The following PDLIM5 variants were observed in gnomAD, a reference collection of about 807,000 sequenced individuals.
PDLIM5 encodes PDZ and LIM domain protein 5.
A neutral mutation model predicts 64.2 loss-of-function variants in PDLIM5; 34 were observed. The ratio of observed to expected loss-of-function variants is 0.53; its 90% confidence interval spans 0.40 to 0.71. PDLIM5 has a LOEUF of 0.71. Ranked by LOEUF, PDLIM5 falls within the 30% of genes least tolerant of loss-of-function variation. The probability of loss-of-function intolerance (pLI) is 0.00; values close to 1 mark genes in which losing one functional copy is unlikely to be tolerated. For missense variants in PDLIM5, 683 were observed against 733.6 expected, an observed-to-expected ratio of 0.93 and a Z score of 0.80; for synonymous variants, 253 against 269.1, an observed-to-expected ratio of 0.94 and a Z score of 0.59.
chr4:94,635,226 A>G (rs924523198), intron 8 of PDLIM5, among the ~76,000 whole-genome samples: 11 of 152,138 alleles, frequency 7.2e-5, no homozygotes, highest in African/African-American at 2.4e-4. Flanking sequence ...AAAAAAAGTA[A>G]TTTTCAAACA....
chr4:94,470,682 T>A (rs922693002), intron 2 of PDLIM5, among the ~76,000 whole-genome samples: 2 of 152,174 alleles, frequency 1.3e-5, no homozygotes, highest in African/African-American at 4.8e-5. Context: ...TTTCAGTAAA[T>A]TCAGATTTTC....
intron 7 of PDLIM5, among the ~76,000 whole-genome samples, chr4:94,604,055 CTA>C (rs1737714259): frequency 6.6e-6 from 1 of 152,116 alleles, no homozygotes; most frequent in Non-Finnish European, 1.5e-5. Context: ...GGTGTTAAAG[CTA>C]CAGGACAGAG....
At chr4:94,595,993 A>G (rs575689122) in intron 7 of PDLIM5, among the ~76,000 whole-genome samples, 2 of 152,308 alleles carry the variant, frequency 1.3e-5, no homozygotes, top group Admixed American at 1.3e-4. Flanking sequence ...TCTCTTGCAA[A>G]ATATGGAATA....
At chr4:94,624,480 T>A (rs1273990440) in intron 8 of PDLIM5, among the ~76,000 whole-genome samples, 1 of 151,524 alleles carries the variant, frequency 6.6e-6, no homozygotes, top group Non-Finnish European at 1.5e-5. Flanking sequence ...CAAAGAAGAG[T>A]CAAATCAAAC....
In PDLIM5 at chr4:94,665,814, A is replaced by G; in HGVS notation, c.*1747A>G. ...TCAAATGTGATCACAAAGTTTGGAA[A>G]GCTTTTATTCACAGAGGTTGGGTAG... is the stretch of plus-strand genomic sequence containing the variant. On this transcript the variant is annotated 3_prime_UTR_variant, in exon 13 of 13. Coordinates refer to ENST00000317968, the MANE Select transcript of PDLIM5 (RefSeq NM_006457.5). 1 of 1,280,860 alleles carries G rather than the reference A, an allele frequency of 7.8e-7. No individual in the cohort carries two copies. The highest frequency in any genetic ancestry group is 3.0e-5 in the South Asian group (1 of 33,538). The allele number at this position is 1,280,860 out of a possible 1,614,324, so 79.3% of individuals were successfully genotyped here. A position where few individuals can be genotyped will look rare whatever the true frequency, so the allele number is the denominator to read the frequency against.
chr4:94,548,639 A>G (rs552049355), intron 3 of PDLIM5, among the ~76,000 whole-genome samples: 92 of 152,326 alleles, frequency 6.0e-4, no homozygotes, highest in Admixed American at 2.2e-3. Context: ...GACATCAGAT[A>G]TAAAGTGCCT....
At chr4:94,566,412 G>A (rs549320015) in intron 3 of PDLIM5, among the ~76,000 whole-genome samples, 4 of 152,190 alleles carry the variant, frequency 2.6e-5, no homozygotes, top group Admixed American at 2.0e-4. Context: ...GATCCTGTTA[G>A]TAATTTGATT....
chr4:94,597,985 A>G (rs1190199671), intron 7 of PDLIM5, among the ~76,000 whole-genome samples: 1 of 152,184 alleles, frequency 6.6e-6, no homozygotes, highest in East Asian at 1.9e-4. Context: ...GTTAATTTTA[A>G]CAATTGATCA....
intron 8 of PDLIM5, among the ~76,000 whole-genome samples, chr4:94,626,646 T>A (rs1235139546): frequency 1.3e-5 from 2 of 152,338 alleles, no homozygotes; most frequent in East Asian, 3.9e-4. Flanking sequence ...TTTAGATCAT[T>A]TGGCTAAGAT....
chr4:94,501,400 A>AGG (rs1727907515), intron 2 of PDLIM5, among the ~76,000 whole-genome samples: 1 of 152,130 alleles, frequency 6.6e-6, no homozygotes. Context: ...TATGGCATTG[A>AGG]GGGCATAAAA....
intron 11 of PDLIM5, among the ~76,000 whole-genome samples, chr4:94,661,567 A>G (rs145986787): frequency 5.4e-4 from 82 of 152,338 alleles, no homozygotes; most frequent in African/African-American, 1.9e-3. Flanking sequence ...TGAAAGGAAA[A>G]TACAGCAAAA....
intron 5 of PDLIM5, among the ~76,000 whole-genome samples, chr4:94,580,245 C>T (rs1735622660): frequency 6.6e-6 from 1 of 152,072 alleles, no homozygotes; most frequent in Non-Finnish European, 1.5e-5. Context: ...TATTAATTAG[C>T]TTATGGTTAT....
At chr4:94,512,396 G>T (rs1412736209) in intron 2 of PDLIM5, among the ~76,000 whole-genome samples, 1 of 152,166 alleles carries the variant, frequency 6.6e-6, no homozygotes, top group Non-Finnish European at 1.5e-5. Context: ...CCCACCAACA[G>T]TGTACAAGGG....
chr4:94,613,665 A>G (rs1471325545), intron 7 of PDLIM5, among the ~76,000 whole-genome samples: 3 of 152,190 alleles, frequency 2.0e-5, no homozygotes, highest in African/African-American at 4.8e-5. Context: ...GAAAATAACC[A>G]TATTTTAATA....
At chr4:94,456,320 T>C in intron 2 of PDLIM5, 3 of 544,758 alleles carry the variant, frequency 5.5e-6, no homozygotes, top group South Asian at 4.1e-5. Flanking sequence ...TGCCTCAGCC[T>C]CCCGAGTAGC....
chr4:94,522,829 C>A (rs902787186), intron 2 of PDLIM5, among the ~76,000 whole-genome samples: 25 of 152,158 alleles, frequency 1.6e-4, no homozygotes, highest in African/African-American at 6.0e-4. Flanking sequence ...TAGTCTCTCC[C>A]ATCTTCCAGC....
intron 2 of PDLIM5, among the ~76,000 whole-genome samples, chr4:94,467,138 C>G (rs1350164893): frequency 6.6e-6 from 1 of 152,144 alleles, no homozygotes; most frequent in African/African-American, 2.4e-5. Flanking sequence ...TCTTATCACT[C>G]AAGAAAACCC....
At chr4:94,555,297 C>T (rs1430209603) in intron 3 of PDLIM5, among the ~76,000 whole-genome samples, 8 of 152,278 alleles carry the variant, frequency 5.3e-5, no homozygotes, top group Admixed American at 2.6e-4. Context: ...TCAGGTGATC[C>T]GCCTGCTTTG....
At chr4:94,477,997 C>T (rs1261033317) in intron 2 of PDLIM5, among the ~76,000 whole-genome samples, 5 of 152,092 alleles carry the variant, frequency 3.3e-5, no homozygotes, top group Non-Finnish European at 5.9e-5. Flanking sequence ...GTGGCTCACG[C>T]CTGTAATCCC....
Sources: gnomAD v4.1 joint callset for allele counts (sites outside exome capture counted in the v4.1 genomes callset) on GRCh38, gnomAD v4.1.1 for gene constraint, MANE v1.5 for transcripts, NCBI Gene and HGNC (gene_info 2026-07-23, HGNC 2026-07-21) for gene names.